ZNF728: variants seen among roughly 807,000 people sequenced by gnomAD.
ZNF728 encodes zinc finger protein 728.
ZNF728 carries 12 observed loss-of-function variants against 12.5 expected under a neutral mutation model. The observed-to-expected ratio is 0.96, with a 90% CI of 0.61 to 1.55. ZNF728 has a LOEUF of 1.55. Among genes scored for constraint, ZNF728 ranks in the 40% most tolerant of loss-of-function variants. The pLI is 0.00. For synonymous variants in ZNF728, 205 were observed against 240.7 expected (o/e 0.85, Z 1.37); for missense variants, 692 against 719.2 (o/e 0.96, Z 0.43).
chr19:22,997,580 A>G (rs185930543), intron 1 of ZNF728, among the ~76,000 whole-genome samples: 165 of 152,290 alleles, frequency 1.1e-3, no homozygotes, highest in Admixed American at 1.8e-3. Flanking sequence ...TAACAACCTG[A>G]TATCATAAAT....
chr19:22,987,225 A>G (rs1214394292), intron 3 of ZNF728, 83 bp downstream of exon 3: 1 of 1,245,264 alleles, frequency 8.0e-7, no homozygotes. Context: ...TTTGGAACAC[A>G]GCTTCCCATA....
intron 3 of ZNF728, chr19:22,985,955 C>T: frequency 5.7e-6 from 1 of 176,942 alleles, no homozygotes; most frequent in Non-Finnish European, 1.2e-5. Context: ...GCCCTAGCAT[C>T]TACCCTACTG....
chr19:22,976,446 T>G lies in ZNF728; in HGVS notation c.891A>C (p.Ser297=). 1 of 1,612,994 alleles carries G rather than the reference T, an allele frequency of 6.2e-7. No homozygotes were observed. The highest frequency in any genetic ancestry group is 8.5e-7 in the Non-Finnish European group (1 of 1,179,878). Residue 297 remains serine, a synonymous_variant, in exon 4 of 4, where the codon TCA becomes TCC. Transcript: ENST00000594710. ...EECGKAFSKA[S]TLTAHKTIHA... Reference sequence around the variant, plus strand: ...GAATTGTCTTATGTGCAGTAAGGGTTGAGGCCTTACTAAAGGCTTTGCCAC... The same window carrying G: ...GAATTGTCTTATGTGCAGTAAGGGTGGAGGCCTTACTAAAGGCTTTGCCAC...
In ZNF728 at chr19:23,003,061, G is replaced by A; in HGVS notation, c.-31C>T. The stretch of plus-strand genomic sequence containing the variant: ...GGCTTCCGGGGGTCCTGGCGACTTA[G>A]TTGTGAATCTCCCAATACCTGCAGG... On this transcript the variant is annotated 5_prime_UTR_variant, in exon 1 of 4. Transcript: ENST00000594710. 1 of 1,576,446 alleles carries A rather than the reference G, an allele frequency of 6.3e-7. No individual in the cohort carries two copies. Among genetic ancestry groups the A allele is most frequent in the Non-Finnish European group, 8.6e-7 (1 of 1,161,796 alleles).
At chr19:22,984,577 T>TACACACACACACAC (rs57794293) in intron 3 of ZNF728, among the ~76,000 whole-genome samples, 27 of 109,248 alleles carry the variant, frequency 2.5e-4, no homozygotes, top group African/African-American at 8.2e-4. Context: ...AAAAAAAAAA[T>TACACACACACACAC]ACACACACAC....
At chr19:22,979,821 T>C (rs1459743435) in intron 3 of ZNF728, among the ~76,000 whole-genome samples, 3 of 152,114 alleles carry the variant, frequency 2.0e-5, no homozygotes, top group African/African-American at 4.8e-5. Context: ...TGAGATTTTG[T>C]CACCAGCAGG....
chr19:22,991,500 C>A (rs549599521), intron 1 of ZNF728, among the ~76,000 whole-genome samples: 1 of 152,226 alleles, frequency 6.6e-6, no homozygotes, highest in East Asian at 1.9e-4. Context: ...TTTATATTTA[C>A]TTTCTTGTGA....
At position 22,975,554 on chromosome 19, in the gene ZNF728, C is replaced by A. The variant is rs1476315130; in HGVS notation, c.1783G>T (p.Glu595Ter). The change falls in exon 4 of 4, where the codon GAA (glutamate) becomes TAA (stop). Residue 595 changes from glutamate to a stop codon, truncating the protein, a stop_gained. Transcript: ENST00000594710. LOFTEE classifies it low-confidence loss of function (END_TRUNC). ...IHAGKKFYKCEECGKDFNQSS... is the reference protein window; with the variant it reads ...IHAGKKFYKC ...TGGTTGAAGTCTTTACCACATTCTT[C>A]ACATTTGTAGAATTTCTTTCCAGCA... 1 of 1,587,174 alleles carries A rather than the reference C, an allele frequency of 6.3e-7. No homozygotes were observed. Among genetic ancestry groups the A allele is most frequent in the East Asian group, 2.3e-5 (1 of 43,836 alleles).
chr19:22,979,001 A>G (rs1282901827), intron 3 of ZNF728, among the ~76,000 whole-genome samples: 1 of 152,202 alleles, frequency 6.6e-6, no homozygotes, highest in Non-Finnish European at 1.5e-5. Context: ...AACTGAACAG[A>G]GAATGAGTTT....
chr19:22,980,155 T>A (rs548579387), intron 3 of ZNF728, among the ~76,000 whole-genome samples: 1 of 86,276 alleles, frequency 1.2e-5, no homozygotes, highest in Non-Finnish European at 2.3e-5. Flanking sequence ...AATAAATGGA[T>A]AGAGGAATAG....
chr19:23,001,756 C>A (rs1268414021), intron 1 of ZNF728, among the ~76,000 whole-genome samples: 2 of 152,058 alleles, frequency 1.3e-5, no homozygotes, highest in Non-Finnish European at 2.9e-5. Flanking sequence ...AAATAGGTAT[C>A]AAAATGTACA....
intron 1 of ZNF728, among the ~76,000 whole-genome samples, chr19:22,991,536 A>T (rs1032820216): frequency 2.0e-5 from 3 of 152,230 alleles, no homozygotes; most frequent in African/African-American, 7.2e-5. Flanking sequence ...CTAGATCTGC[A>T]GGAACAGAAA....
chr19:23,000,676 T>C (rs143930838), intron 1 of ZNF728, among the ~76,000 whole-genome samples: 2,176 of 151,666 alleles, frequency 0.014, 35 homozygotes, highest in Non-Finnish European at 0.02. Flanking sequence ...TCAAACAGCC[T>C]GGTCAACATG....
chr19:22,984,345 G>A (rs1968891602), intron 3 of ZNF728, among the ~76,000 whole-genome samples: 1 of 151,834 alleles, frequency 6.6e-6, no homozygotes, highest in East Asian at 1.9e-4. Flanking sequence ...GATCACCTGA[G>A]GTCAGGAGAT....
intron 1 of ZNF728, among the ~76,000 whole-genome samples, chr19:22,994,286 T>C (rs1022670893): frequency 2.0e-5 from 3 of 152,146 alleles, no homozygotes; most frequent in Non-Finnish European, 4.4e-5. Context: ...ACAGCACAAT[T>C]GTGAACTGAC....
rs1419780964 is a variant in ZNF728, at chr19:22,975,387, C to A, written c.*81G>T. The A allele has an allele frequency of 2.7e-5, 37 of 1,376,300 alleles. No homozygotes were observed. The highest frequency in any genetic ancestry group is 3.6e-5 in the Non-Finnish European group (36 of 1,013,288). The allele number at this position is 1,376,300 out of a possible 1,614,324, so 85.3% of individuals were successfully genotyped here. A position where few individuals can be genotyped will look rare whatever the true frequency, so the allele number is the denominator to read the frequency against. On this transcript the variant is annotated 3_prime_UTR_variant, in exon 4 of 4. Coordinates refer to ENST00000594710, the MANE Select transcript of ZNF728 (RefSeq NM_001267716.2). ...GTTAAAAAATTTGCCACATTCTTCA[C>A]ATTTGTAGGGTTTCCCTCCTGTATA...
chr19:22,988,314 G>A lies in ZNF728; in HGVS notation c.130+11C>T. The A allele has an allele frequency of 6.2e-7, 1 of 1,614,088 alleles. No homozygotes were observed. Among genetic ancestry groups the A allele is most frequent in the Non-Finnish European group, 8.5e-7 (1 of 1,179,984 alleles). On this transcript the variant is annotated intron_variant, in intron 2 of 3. Coordinates refer to ENST00000594710, the MANE Select transcript of ZNF728 (RefSeq NM_001267716.2). ...TGTATACTAGGAATTGCGTATTAAA[G>A]TTATTCTCACCCAGGAAGACCAGGT...
At chr19:22,999,219 T>C (rs1322058877) in intron 1 of ZNF728, among the ~76,000 whole-genome samples, 2 of 152,216 alleles carry the variant, frequency 1.3e-5, no homozygotes, top group African/African-American at 4.8e-5. Context: ...TTAAAGATCT[T>C]ATAGTTGGTA....
At chr19:22,981,034 CAGA>C (rs893618252) in intron 3 of ZNF728, among the ~76,000 whole-genome samples, 26 of 150,080 alleles carry the variant, frequency 1.7e-4, no homozygotes, top group African/African-American at 5.9e-4. Flanking sequence ...CAGAGCAGAA[CAGA>C]AGGAGAGACA....
Sources: allele counts gnomAD v4.1 joint callset (sites outside exome capture counted in the v4.1 genomes callset), GRCh38; gene constraint gnomAD v4.1.1; transcripts MANE v1.5; gene names NCBI Gene and HGNC (gene_info 2026-07-23, HGNC 2026-07-21).